The following PIGL variants were observed in gnomAD, a reference collection of about 807,000 sequenced individuals.
PIGL encodes N-acetylglucosaminyl-phosphatidylinositol de-N-acetylase.
PIGL carries 22 observed loss-of-function variants against 31.1 expected under a neutral mutation model. The ratio of observed to expected loss-of-function variants is 0.71; its 90% CI spans 0.51 to 1.01. The LOEUF is 1.01. Ranked by LOEUF, PIGL falls within the 50% of genes least tolerant of loss-of-function variation. The probability of loss-of-function intolerance (pLI) is 0.00; values close to 1 mark genes in which losing one functional copy is unlikely to be tolerated. For synonymous variants in PIGL, 131 were observed against 117.4 expected, an observed-to-expected ratio of 1.12 and a Z score of -0.75; for missense variants, 302 against 315.9, an observed-to-expected ratio of 0.96 and a Z score of 0.33.
chr17:16,279,861 G>A (rs1307870531), intron 2 of PIGL: 1 of 152,280 alleles, frequency 6.6e-6, no homozygotes, highest in East Asian at 1.9e-4. Flanking sequence ...GTCAGAGTCA[G>A]GCAGGGGGGC....
intron 6 of PIGL, among the ~76,000 whole-genome samples, chr17:16,323,747 G>A (rs1006433065): frequency 6.6e-6 from 1 of 150,448 alleles, no homozygotes; most frequent in African/African-American, 2.5e-5. Flanking sequence ...TGCGTAGCTG[G>A]GATTACAGAC....
At chr17:16,278,659 A>G (rs573944575) in intron 2 of PIGL, among the ~76,000 whole-genome samples, 1 of 151,868 alleles carries the variant, frequency 6.6e-6, no homozygotes, top group African/African-American at 2.4e-5. Context: ...ACTTGTTCAA[A>G]CTTCAACTTT....
At chr17:16,310,066 A>T (rs1429446020) in intron 3 of PIGL, among the ~76,000 whole-genome samples, 1 of 138,258 alleles carries the variant, frequency 7.2e-6, no homozygotes, top group Non-Finnish European at 1.5e-5. Flanking sequence ...CAACAGAGTG[A>T]GACTCCATCT....
intron 2 of PIGL, among the ~76,000 whole-genome samples, chr17:16,282,477 C>T (rs1189451549): frequency 6.6e-6 from 1 of 152,068 alleles, no homozygotes; most frequent in Non-Finnish European, 1.5e-5. Context: ...CCCTAAACAC[C>T]CATACCCAAA....
At chr17:16,315,708 C>CTTTTTTTTTT (rs1157169209) in intron 4 of PIGL, among the ~76,000 whole-genome samples, 76 of 59,020 alleles carry the variant, frequency 1.3e-3, no homozygotes, top group East Asian at 1.9e-3. Flanking sequence ...TTCTTTCTTT[C>CTTTTTTTTTT]TTTTTTTTTT....
At chr17:16,304,826 G>A (rs1371064620) in intron 3 of PIGL, among the ~76,000 whole-genome samples, 4 of 152,266 alleles carry the variant, frequency 2.6e-5, no homozygotes. Flanking sequence ...GAAGCACTTA[G>A]TCCCTGCTCC....
chr17:16,261,053 A>G (rs961648709), intron 2 of PIGL, among the ~76,000 whole-genome samples: 8 of 150,196 alleles, frequency 5.3e-5, no homozygotes, highest in South Asian at 2.1e-4. Context: ...CAGGAGGCAG[A>G]GGTTGCAGTG....
At chr17:16,307,226 C>T (rs2093030030) in intron 3 of PIGL, among the ~76,000 whole-genome samples, 1 of 152,210 alleles carries the variant, frequency 6.6e-6, no homozygotes, top group African/African-American at 2.4e-5. Context: ...CCGGTCTCCT[C>T]ATGGCCATGG....
intron 1 of PIGL, among the ~76,000 whole-genome samples, chr17:16,224,872 G>T (rs2092645129): frequency 6.6e-6 from 1 of 151,104 alleles, no homozygotes; most frequent in Non-Finnish European, 1.5e-5. Flanking sequence ...TAGCCAGGAT[G>T]GTCTCGATCT....
At chr17:16,310,039 C>G (rs1252268591) in intron 3 of PIGL, among the ~76,000 whole-genome samples, 2 of 136,050 alleles carry the variant, frequency 1.5e-5, no homozygotes, top group Non-Finnish European at 3.0e-5. Context: ...GATCGCACCA[C>G]TGCACTCTAG....
At position 16,266,912 on chromosome 17, in the gene PIGL, G is replaced by C. The variant is rs1019386293; in HGVS notation, c.335+32842G>C. On this transcript the variant is annotated intron_variant, in intron 2 of 6. Coordinates refer to ENST00000225609, the MANE Select transcript of PIGL (RefSeq NM_004278.4). ...ACGCCTTGCTCTTTTTTTTTGGGGG[G>C]GGGGGGGTTGTCGTGGAAATTAAGT... Among the ~76,000 whole-genome samples, 200 of 148,132 alleles carry C rather than the reference G, an allele frequency of 1.4e-3. 1 individual carries two copies. The highest frequency in any genetic ancestry group is 4.4e-3 in the African/African-American group (181 of 40,728).
At position 16,316,574 on chromosome 17, in the gene PIGL, C is replaced by G. The variant is rs558430738; in HGVS notation, c.495-107C>G. ...GCAAAAGAAACCACCTGGAGACTCA[C>G]ATGGAGGGGACCATGGGCATGGCAG... is the stretch of plus-strand genomic sequence containing the variant. On this transcript the variant is annotated intron_variant, in intron 4 of 6. Transcript: ENST00000225609. 139 of 1,099,612 alleles carry G rather than the reference C, an allele frequency of 1.3e-4. No individual in the cohort carries two copies. In the South Asian group the frequency reaches 2.1e-3, roughly 16 times the overall value. 68.1% of individuals were successfully genotyped at this position (1,099,612 alleles called of 1,614,324 possible).
At chr17:16,252,388 A>G (rs1164641205) in intron 2 of PIGL, among the ~76,000 whole-genome samples, 3 of 151,938 alleles carry the variant, frequency 2.0e-5, no homozygotes, top group Non-Finnish European at 4.4e-5. Context: ...CCTTTTTTAA[A>G]TAGAACTAAG....
chr17:16,310,033 G>A (rs1480534180), intron 3 of PIGL, among the ~76,000 whole-genome samples: 3 of 133,592 alleles, frequency 2.2e-5, no homozygotes, highest in Non-Finnish European at 3.0e-5. Context: ...AGCCAAGATC[G>A]CACCACTGCA....
At chr17:16,308,607 A>G (rs1214860281) in intron 3 of PIGL, among the ~76,000 whole-genome samples, 1 of 151,900 alleles carries the variant, frequency 6.6e-6, no homozygotes, top group African/African-American at 2.4e-5. Context: ...TGTAATCCCA[A>G]AATGCCTGTA....
At chr17:16,284,643 C>T (rs1334244800) in intron 2 of PIGL, among the ~76,000 whole-genome samples, 1 of 152,104 alleles carries the variant, frequency 6.6e-6, no homozygotes, top group African/African-American at 2.4e-5. Context: ...TCTTGTGGCC[C>T]CCACCCAGGA....
Position 16,293,962 on chromosome 17 carries a change from G to A in PIGL, c.336-5926G>A, listed in dbSNP as rs2092971055. ...AAGAATTTGGCCTTGTCCAATGAGA[G>A]ATCTGGTCTCTCATTGGCTTTTGGG... On this transcript the variant is annotated intron_variant, in intron 2 of 6. Transcript: ENST00000225609. Among the ~76,000 whole-genome samples the A allele has an allele frequency of 2.6e-5, 4 of 152,176 alleles. No homozygotes were observed. In the South Asian group the frequency reaches 8.3e-4, roughly 32 times the overall value.
chr17:16,299,565 C>T (rs953303841), intron 2 of PIGL, among the ~76,000 whole-genome samples: 3 of 152,144 alleles, frequency 2.0e-5, no homozygotes, highest in Admixed American at 1.3e-4. Flanking sequence ...TCATAAAGTG[C>T]ATATCATCAT....
At chr17:16,303,642 G>A (rs1276811597) in intron 3 of PIGL, among the ~76,000 whole-genome samples, 2 of 150,590 alleles carry the variant, frequency 1.3e-5, no homozygotes, top group Non-Finnish European at 3.0e-5. Flanking sequence ...GGGTTCAAGC[G>A]ATTCTCCTGA....
Sources: gnomAD v4.1 joint callset for allele counts (sites outside exome capture counted in the v4.1 genomes callset) on GRCh38, gnomAD v4.1.1 for gene constraint, MANE v1.5 for transcripts, NCBI Gene and HGNC (gene_info 2026-07-23, HGNC 2026-07-21) for gene names.